CFHR1: variants seen among roughly 807,000 people sequenced by gnomAD.
CFHR1 encodes the protein complement factor H related 1, also known as complement factor H-related protein 1.
A neutral mutation model predicts 30.4 loss-of-function variants in CFHR1; 22 were observed. The observed-to-expected ratio is 0.72, with a 90% CI of 0.52 to 1.03. CFHR1 has a LOEUF of 1.03. Ranked by LOEUF, CFHR1 falls within the 50% of genes least tolerant of loss-of-function variation. CFHR1 has a pLI of 0.00. For missense variants in CFHR1, 248 were observed against 380.6 expected, an observed-to-expected ratio of 0.65 and a Z score of 2.90; for synonymous variants, 95 against 129.1, an observed-to-expected ratio of 0.74 and a Z score of 1.79.
At chr1:196,825,918 T>C in intron 2 of CFHR1, 1 of 348,806 alleles carries the variant, frequency 2.9e-6, no homozygotes, top group East Asian at 4.0e-5. Context: ...AAACTGATCT[T>C]TAATATATTT....
intron 4 of CFHR1, among the ~76,000 whole-genome samples, chr1:196,829,603 T>G (rs368054860): frequency 7.4e-6 from 1 of 135,054 alleles, no homozygotes; most frequent in Non-Finnish European, 1.6e-5. Context: ...AAATTTGGAG[T>G]TGACAGTTCT....
chr1:196,830,146 C>T lies in CFHR1; in HGVS notation c.608-354C>T, dbSNP rs1469884357. 1.5e-5 allele frequency among the ~76,000 whole-genome samples: 2 copies of T among 135,090 alleles called. 1 individual carries two copies. Among genetic ancestry groups the T allele is most frequent in the Non-Finnish European group, 3.1e-5 (2 of 64,320 alleles). 88.6% of individuals were successfully genotyped at this position (135,090 alleles called of 152,430 possible). A position where few individuals can be genotyped will look rare whatever the true frequency, so the allele number is the denominator to read the frequency against. ...TTAAGAACCATCATCAATTTCAAAA[C>T]CCGTGTCCTCTTAGTGTTACTCCAA... On this transcript the variant is annotated intron_variant, in intron 4 of 5. Coordinates refer to ENST00000320493, the MANE Select transcript of CFHR1 (RefSeq NM_002113.3).
chr1:196,823,097 ATATATGTGTGTGTGTGTGTG>A lies in CFHR1; in HGVS notation c.59-2378_59-2359del, dbSNP rs1655181719. On this transcript the variant is annotated intron_variant, in intron 1 of 5. Transcript: ENST00000320493. The stretch of plus-strand genomic sequence containing the variant: ...ACTGTACGACTGTATATATATATAT[ATATATGTGTGTGTGTGTGTG>A]TGTGTGTGTGTGTGTGTATCCCAGA... Among the ~76,000 whole-genome samples, 2 of 48,864 alleles carry A rather than the reference ATATATGTGTGTGTGTGTGTG, an allele frequency of 4.1e-5. 1 individual carries two copies. Among genetic ancestry groups the A allele is most frequent in the African/African-American group, 1.9e-4 (2 of 10,524 alleles). 32.1% of individuals were successfully genotyped at this position (48,864 alleles called of 152,430 possible). A position where few individuals can be genotyped will look rare whatever the true frequency, so the allele number is the denominator to read the frequency against.
rs1445498385 is a variant in CFHR1 at position 196,830,525 on chromosome 1, T to C, written c.633T>C (p.Pro211=). ...CKDSTGKCGP[P]PPIDNGDITS... Reference sequence around the variant, plus strand: ...ATTCTACGGGAAAATGTGGGCCCCCTCCACCTATTGACAATGGGGACATTA... The same window carrying C: ...ATTCTACGGGAAAATGTGGGCCCCCCCCACCTATTGACAATGGGGACATTA... The change falls in exon 5 of 6, where the codon CCT becomes CCC. Residue 211 remains proline, a synonymous_variant. Transcript: ENST00000320493. The C allele has an allele frequency of 3.3e-6, 5 of 1,525,212 alleles. 1 individual carries two copies. Among genetic ancestry groups the C allele is most frequent in the Non-Finnish European group, 4.4e-6 (5 of 1,129,324 alleles). 94.5% of individuals were successfully genotyped at this position (1,525,212 alleles called of 1,614,324 possible).
chr1:196,820,631 C>G (rs1342063030), intron 1 of CFHR1, among the ~76,000 whole-genome samples: 1 of 126,994 alleles, frequency 7.9e-6, no homozygotes, highest in African/African-American at 3.4e-5. Context: ...TATGTCTGTA[C>G]ATGGAGTTTC....
At position 196,831,080 on chromosome 1, in the gene CFHR1, C is replaced by A. The variant is rs1279271999; in HGVS notation, c.790+398C>A. Among the ~76,000 whole-genome samples the A allele has an allele frequency of 2.2e-5, 3 of 135,252 alleles. 1 individual carries two copies. The highest frequency in any genetic ancestry group is 6.3e-5 in the African/African-American group (2 of 31,690). 88.7% of individuals were successfully genotyped at this position (135,252 alleles called of 152,430 possible). ...CCGGGAGGCGGAGCTTGCAGTGAGCCGAGTTCGCGCCACTGCACTCCAGCC... is the reference window on the plus strand; with the variant it reads ...CCGGGAGGCGGAGCTTGCAGTGAGCAGAGTTCGCGCCACTGCACTCCAGCC... On this transcript the variant is annotated intron_variant, in intron 5 of 5. Coordinates refer to ENST00000320493, the MANE Select transcript of CFHR1 (RefSeq NM_002113.3).
Position 196,830,535 on chromosome 1 carries a change from G to C in CFHR1, c.643G>C (p.Asp215His). The C allele has an allele frequency of 6.6e-7, 1 of 1,525,058 alleles. No homozygotes were observed. The highest frequency in any genetic ancestry group is 8.9e-7 in the Non-Finnish European group (1 of 1,129,318). The allele number at this position is 1,525,058 out of a possible 1,614,324, so 94.5% of individuals were successfully genotyped here. A position where few individuals can be genotyped will look rare whatever the true frequency, so the allele number is the denominator to read the frequency against. ...AAAATGTGGGCCCCCTCCACCTATTGACAATGGGGACATTACTTCATTCCC... is the reference window on the plus strand; with the variant it reads ...AAAATGTGGGCCCCCTCCACCTATTCACAATGGGGACATTACTTCATTCCC... Reference protein sequence around the residue: ...TGKCGPPPPIDNGDITSFPLS... With the variant: ...TGKCGPPPPIHNGDITSFPLS... Residue 215 changes from aspartate to histidine, a missense_variant, in exon 5 of 6, where the codon GAC (aspartate) becomes CAC (histidine). This residue lies in a region of CFHR1 where 112 missense variants were observed against 156.4 expected (regional missense o/e 0.72). Coordinates refer to ENST00000320493, the MANE Select transcript of CFHR1 (RefSeq NM_002113.3).
chr1:196,829,102 A>G (rs1655450621), intron 4 of CFHR1, among the ~76,000 whole-genome samples: 2 of 134,522 alleles, frequency 1.5e-5, no homozygotes, highest in Admixed American at 7.2e-5. Context: ...TTTCCATTGT[A>G]TCTCTTTGCA....
At position 196,822,837 on chromosome 1, in the gene CFHR1, T is replaced by C. The variant is rs1307452438; in HGVS notation, c.59-2640T>C. On this transcript the variant is annotated intron_variant, in intron 1 of 5. Coordinates refer to ENST00000320493, the MANE Select transcript of CFHR1 (RefSeq NM_002113.3). ...ATTAACCAGTAACACTTCTATATTA[T>C]CATCATCAAGTATTACGTACTGTAC... is the stretch of plus-strand genomic sequence containing the variant. 2.7e-4 allele frequency among the ~76,000 whole-genome samples: 37 copies of C among 135,454 alleles called. 12 individuals are homozygous for C. Among genetic ancestry groups the C allele is most frequent in the African/African-American group, 1.1e-3 (35 of 31,686 alleles). 88.9% of individuals were successfully genotyped at this position (135,454 alleles called of 152,430 possible). A position where few individuals can be genotyped will look rare whatever the true frequency, so the allele number is the denominator to read the frequency against.
intron 1 of CFHR1, among the ~76,000 whole-genome samples, chr1:196,822,567 C>T (rs1175594923): frequency 1.5e-5 from 2 of 132,842 alleles, no homozygotes; most frequent in African/African-American, 3.3e-5. Flanking sequence ...ACACATTAAC[C>T]TCGGCCTACA....
chr1:196,824,537 C>A lies in CFHR1; in HGVS notation c.59-940C>A, dbSNP rs776004607. Among the ~76,000 whole-genome samples, 229 of 132,334 alleles carry A rather than the reference C, an allele frequency of 1.7e-3. 42 individuals carry two copies. The highest frequency in any genetic ancestry group is 0.016 in the Middle Eastern group (4 of 254). 86.8% of individuals were successfully genotyped at this position (132,334 alleles called of 152,430 possible). ...CCTCCCAAAGTGCTGGGATTACAGG[C>A]ATGAGCTACCACACTCAGCCCTCTC... On this transcript the variant is annotated intron_variant, in intron 1 of 5. Coordinates refer to ENST00000320493, the MANE Select transcript of CFHR1 (RefSeq NM_002113.3).
intron 1 of CFHR1, chr1:196,821,290 A>C: frequency 8.2e-6 from 1 of 122,262 alleles, no homozygotes; most frequent in East Asian, 2.1e-4. Context: ...TTACATGAGG[A>C]TTTCTAAATA....
Position 196,830,553 on chromosome 1 carries a change from T to C in CFHR1, c.661T>C (p.Ser221Pro), listed in dbSNP as rs1230493970. ...ACCTATTGACAATGGGGACATTACTTCATTCCCGTTGTCAGTATATGCTCC... is the reference window on the plus strand; with the variant it reads ...ACCTATTGACAATGGGGACATTACTCCATTCCCGTTGTCAGTATATGCTCC... ...PPPIDNGDIT[S>P]FPLSVYAPAS... The change falls in exon 5 of 6, where the codon TCA becomes CCA. Residue 221 changes from serine (S) to proline (P), a missense_variant. Ser to Pro is a moderately conservative substitution (Grantham distance 74). This residue lies in a region of CFHR1 where 112 missense variants were observed against 156.4 expected (regional missense o/e 0.72). Coordinates refer to ENST00000320493, the MANE Select transcript of CFHR1 (RefSeq NM_002113.3). 6.6e-7 allele frequency: 1 copy of C among 1,525,304 alleles called. No homozygotes were observed. Among genetic ancestry groups the C allele is most frequent in the African/African-American group, 1.7e-5 (1 of 58,294 alleles). 94.5% of individuals were successfully genotyped at this position (1,525,304 alleles called of 1,614,324 possible). A position where few individuals can be genotyped will look rare whatever the true frequency, so the allele number is the denominator to read the frequency against.
intron 2 of CFHR1, chr1:196,826,071 T>A (rs558925632): frequency 6.0e-6 from 1 of 165,894 alleles, no homozygotes; most frequent in African/African-American, 3.1e-5. Flanking sequence ...TTCACTTTTA[T>A]ATTTCAATAA....
At chr1:196,824,303 G>C (rs1359160974) in intron 1 of CFHR1, among the ~76,000 whole-genome samples, 1 of 132,848 alleles carries the variant, frequency 7.5e-6, no homozygotes, top group Non-Finnish European at 1.6e-5. Context: ...TCGCCCCCAG[G>C]CTCGAGTTTA....
intron 1 of CFHR1, among the ~76,000 whole-genome samples, chr1:196,823,032 G>A (rs1481075698): frequency 2.3e-5 from 3 of 132,828 alleles, no homozygotes; most frequent in Admixed American, 7.3e-5. Flanking sequence ...TGTCATATAA[G>A]TGATCAGTCA....
At chr1:196,826,742 A>G in intron 2 of CFHR1, 87 bp from the exon 3 acceptor site, 2 of 1,251,282 alleles carry the variant, frequency 1.6e-6, no homozygotes, top group Non-Finnish European at 2.2e-6. Context: ...GAGCCACTTC[A>G]CCCGGTTTAT....
At chr1:196,823,099 ATATG>A (rs1235592991) in intron 1 of CFHR1, among the ~76,000 whole-genome samples, 3 of 45,716 alleles carry the variant, frequency 6.6e-5, no homozygotes, top group African/African-American at 2.6e-4. Flanking sequence ...ATATATATAT[ATATG>A]TGTGTGTGTG....
chr1:196,826,471 TA>T (rs1655327391), intron 2 of CFHR1, among the ~76,000 whole-genome samples: 1 of 90,240 alleles, frequency 1.1e-5, no homozygotes, highest in East Asian at 2.9e-4. Context: ...CTTTCCTTTT[TA>T]ATTTTTTTTG....
Sources: allele counts gnomAD v4.1 joint callset (sites outside exome capture counted in the v4.1 genomes callset), GRCh38; gene constraint gnomAD v4.1.1; regional missense constraint gnomAD v4.1.1; transcripts MANE v1.5; gene names NCBI Gene and HGNC (gene_info 2026-07-23, HGNC 2026-07-21).